The following CFAP47 variants were observed in gnomAD, a reference collection of about 807,000 sequenced individuals.
CFAP47 encodes the protein cilia and flagella associated protein 47, also known as cilia- and flagella-associated protein 47.
In CFAP47, 29 loss-of-function variants were observed where a neutral mutation model predicts 148.1. That is an observed-to-expected ratio of 0.20 (90% CI 0.15 to 0.27). The LOEUF is 0.27. Ranked by LOEUF, CFAP47 falls within the 10% of genes least tolerant of loss-of-function variation. The pLI is 1.00. For missense variants in CFAP47, 1,872 were observed against 1,697.5 expected (o/e 1.10, Z -1.81); for synonymous variants, 664 against 577.3 (o/e 1.15, Z -2.15).
rs192986128 is a variant in CFAP47 at position 36,252,737 on chromosome X, G to A, written c.7444+1293G>A. On this transcript the variant is annotated intron_variant, in intron 49 of 63. Transcript: ENST00000378653. ...ATTGTCATTGACAGTCCTAGTAGTTGGTATATTTTCCTTAATTTTAGAGTT... is the reference window on the plus strand; with the variant it reads ...ATTGTCATTGACAGTCCTAGTAGTTAGTATATTTTCCTTAATTTTAGAGTT... Among the ~76,000 whole-genome samples the A allele has an allele frequency of 2.0e-3, 218 of 111,560 alleles. 1 individual carries two copies. Among genetic ancestry groups the A allele is most frequent in the African/African-American group, 6.4e-3 (198 of 30,831 alleles).
chrX:36,189,498 T>C (rs1939843288), intron 41 of CFAP47, among the ~76,000 whole-genome samples: 1 of 111,600 alleles, frequency 9.0e-6, no homozygotes, highest in African/African-American at 3.3e-5. Context: ...AAAATCACAC[T>C]GCTTCACTTT....
intron 45 of CFAP47, among the ~76,000 whole-genome samples, chrX:36,219,401 A>G (rs1229168228): frequency 9.0e-6 from 1 of 110,830 alleles, no homozygotes; most frequent in African/African-American, 3.3e-5. Context: ...AGCATGTCCA[A>G]CCTCCCTTTC....
chrX:36,098,817 T>C lies in CFAP47; in HGVS notation c.4941T>C (p.His1647=), dbSNP rs376143259. ...GTGCTCAAGGAGGATGTATTTCACA[T>C]GTCCTGCCAGAATTTTTGCTTGAAC... is the stretch of plus-strand genomic sequence containing the variant. ...FLNAQGGCIS[H]VLPEFLLEPE... The change falls in exon 31 of 64, where the codon CAT becomes CAC. Residue 1647 remains histidine (H), a synonymous_variant. Coordinates refer to ENST00000378653, the MANE Select transcript of CFAP47 (RefSeq NM_001304548.2). 35 of 1,186,565 alleles carry C rather than the reference T, an allele frequency of 2.9e-5. No individual in the cohort carries two copies. The African/African-American group carries it at 5.6e-4, about 19-fold the overall frequency.
At chrX:36,154,948 G>A (rs778648128) in intron 37 of CFAP47, among the ~76,000 whole-genome samples, 1 of 110,762 alleles carries the variant, frequency 9.0e-6, no homozygotes, top group Non-Finnish European at 1.9e-5. Flanking sequence ...CATTCAGGCT[G>A]CTATAACAAT....
intron 33 of CFAP47, among the ~76,000 whole-genome samples, chrX:36,119,000 G>C (rs1033200862): frequency 1.8e-5 from 2 of 111,774 alleles, no homozygotes; most frequent in Non-Finnish European, 3.8e-5. Context: ...CCAAATGTAA[G>C]ATCATATCAT....
intron 49 of CFAP47, among the ~76,000 whole-genome samples, chrX:36,264,645 T>C (rs959428792): frequency 6.2e-5 from 7 of 112,035 alleles, no homozygotes; most frequent in African/African-American, 2.3e-4. Context: ...ACGGGTGACA[T>C]TGGAGACTCA....
At chrX:36,352,625 C>A (rs2146985915) in intron 59 of CFAP47, among the ~76,000 whole-genome samples, 1 of 109,922 alleles carries the variant, frequency 9.1e-6, no homozygotes, top group East Asian at 2.9e-4. Flanking sequence ...AGTAGTAGAG[C>A]ATTTTATATG....
At chrX:36,337,856 C>CTTTTTTTT (rs1196038760) in intron 57 of CFAP47, among the ~76,000 whole-genome samples, 4 of 58,339 alleles carry the variant, frequency 6.9e-5, no homozygotes, top group African/African-American at 8.8e-5. Context: ...TTCCATAATC[C>CTTTTTTTT]TTTTTTTTTT....
At chrX:36,290,748 A>C (rs1027150164) in intron 51 of CFAP47, among the ~76,000 whole-genome samples, 1 of 112,586 alleles carries the variant, frequency 8.9e-6, no homozygotes. Flanking sequence ...ACAGCAGAAC[A>C]TCCTTAAGGC....
At chrX:36,002,570 G>A (rs1469014639) in intron 21 of CFAP47, among the ~76,000 whole-genome samples, 1 of 111,050 alleles carries the variant, frequency 9.0e-6, no homozygotes, top group African/African-American at 3.3e-5. Context: ...CAACAAGAGC[G>A]AGATTTCGTC....
At chrX:36,183,766 A>G (rs1028007428) in intron 40 of CFAP47, among the ~76,000 whole-genome samples, 5 of 111,948 alleles carry the variant, frequency 4.5e-5, no homozygotes, top group African/African-American at 1.6e-4. Flanking sequence ...TAGAGCATTT[A>G]GTAAGTTCTT....
At chrX:36,253,874 G>A (rs912854814) in intron 49 of CFAP47, among the ~76,000 whole-genome samples, 2 of 111,675 alleles carry the variant, frequency 1.8e-5, no homozygotes, top group Admixed American at 9.6e-5. Context: ...CAATTTAGCA[G>A]CTCCTAAAGT....
chrX:36,322,094 A>G (rs1305999084), intron 57 of CFAP47, among the ~76,000 whole-genome samples: 1 of 110,649 alleles, frequency 9.0e-6, no homozygotes, highest in Non-Finnish European at 1.9e-5. Flanking sequence ...CCACTTTTCC[A>G]TTTTTTCTTG....
chrX:35,924,212 T>C (rs184017317), intron 1 of CFAP47, among the ~76,000 whole-genome samples: 5,049 of 93,943 alleles, frequency 0.054, 496 homozygotes, highest in African/African-American at 0.11. Flanking sequence ...GACATGTATG[T>C]GTGCATGTAT....
At chrX:35,986,920 G>C (rs1323832342) in intron 15 of CFAP47, among the ~76,000 whole-genome samples, 1 of 111,231 alleles carries the variant, frequency 9.0e-6, no homozygotes, top group Non-Finnish European at 1.9e-5. Context: ...TGTTTGCCTG[G>C]GTATCACCAG....
At chrX:36,201,076 A>G (rs782346378) in intron 43 of CFAP47, among the ~76,000 whole-genome samples, 198 bp from the exon 44 acceptor site, 3 of 111,367 alleles carry the variant, frequency 2.7e-5, no homozygotes, top group Non-Finnish European at 5.6e-5. Flanking sequence ...GAATACCAAT[A>G]ATCTTTAATT....
chrX:35,959,290 A>G (rs955011962), intron 8 of CFAP47, among the ~76,000 whole-genome samples: 5 of 112,178 alleles, frequency 4.5e-5, no homozygotes, highest in Non-Finnish European at 7.5e-5. Flanking sequence ...CCTTTGACAG[A>G]TACAGAAATC....
intron 39 of CFAP47, among the ~76,000 whole-genome samples, chrX:36,177,295 C>T (rs752486538): frequency 9.8e-5 from 11 of 111,977 alleles, no homozygotes; most frequent in Admixed American, 1.9e-4. Flanking sequence ...ATATTTATTA[C>T]GTTGGGCTAG....
intron 25 of CFAP47, among the ~76,000 whole-genome samples, chrX:36,042,409 C>T (rs950531450): frequency 2.7e-5 from 3 of 111,044 alleles, no homozygotes; most frequent in African/African-American, 9.8e-5. Flanking sequence ...AAAGAATCTA[C>T]AAGGAGATTT....
Sources: gnomAD v4.1 joint callset for allele counts (sites outside exome capture counted in the v4.1 genomes callset) on GRCh38, gnomAD v4.1.1 for gene constraint, MANE v1.5 for transcripts, NCBI Gene and HGNC (gene_info 2026-07-23, HGNC 2026-07-21) for gene names.